Variants in KAZN observed in about 807,000 individuals in gnomAD.
KAZN encodes kazrin, periplakin interacting protein.
A neutral mutation model predicts 87.4 loss-of-function variants in KAZN; 40 were observed. The ratio of observed to expected loss-of-function variants is 0.46; its 90% CI spans 0.36 to 0.60. The LOEUF (loss-of-function observed/expected upper bound fraction) is 0.60, where lower values mean the gene tolerates loss of function less well. Ranked by LOEUF, KAZN falls within the 20% of genes least tolerant of loss-of-function variation. The pLI, the probability that KAZN is intolerant of heterozygous loss-of-function variation, is 0.00. For synonymous variants in KAZN, 466 were observed against 458.3 expected, an observed-to-expected ratio of 1.02 and a Z score of -0.22; for missense variants, 898 against 1,073.9, an observed-to-expected ratio of 0.84 and a Z score of 2.29.
chr1:15,001,858 C>T (rs1668511285), intron 2 of KAZN, among the ~76,000 whole-genome samples: 1 of 136,928 alleles, frequency 7.3e-6, no homozygotes, highest in Admixed American at 7.5e-5. Flanking sequence ...CTTGGCCCCA[C>T]AAAGTCAAAA....
intron 2 of KAZN, among the ~76,000 whole-genome samples, chr1:14,581,680 T>A (rs932567777): frequency 6.6e-6 from 1 of 152,202 alleles, no homozygotes; most frequent in East Asian, 1.9e-4. Context: ...TGGCCTCATC[T>A]GCTGCCCACA....
intron 1 of KAZN, among the ~76,000 whole-genome samples, chr1:13,942,280 C>A (rs1291745636): frequency 6.6e-6 from 1 of 151,844 alleles, no homozygotes; most frequent in Non-Finnish European, 1.5e-5. Context: ...GTGGCTCACG[C>A]CTGTAATCCC....
At chr1:14,668,354 C>G (rs1468219466) in intron 1 of KAZN, among the ~76,000 whole-genome samples, 6 of 152,100 alleles carry the variant, frequency 3.9e-5, no homozygotes, top group Admixed American at 1.3e-4. Context: ...GTCCTTTGTC[C>G]CAGCTTTCCA....
intron 14 of KAZN, 156 bp from the exon 15 acceptor site, chr1:15,114,315 T>C (rs1171220103): frequency 4.7e-6 from 3 of 641,938 alleles, no homozygotes; most frequent in African/African-American, 1.8e-5. Flanking sequence ...TCAACCTCCC[T>C]GAGCAGGGAG....
intron 1 of KAZN, among the ~76,000 whole-genome samples, chr1:14,770,729 G>C (rs1644997104): frequency 6.6e-6 from 1 of 152,160 alleles, no homozygotes; most frequent in Non-Finnish European, 1.5e-5. Context: ...CATACAAAAA[G>C]TGGTCAAAGT....
chr1:14,566,147 A>G (rs1238431641), intron 2 of KAZN, among the ~76,000 whole-genome samples: 1 of 152,214 alleles, frequency 6.6e-6, no homozygotes, highest in African/African-American at 2.4e-5. Flanking sequence ...TAATAATAAG[A>G]TTGAAAGTCT....
At chr1:13,918,174 T>G (rs546258076) in intron 1 of KAZN, among the ~76,000 whole-genome samples, 2 of 152,330 alleles carry the variant, frequency 1.3e-5, no homozygotes, top group Non-Finnish European at 2.9e-5. Context: ...CTGATGGATC[T>G]GGGCAAAGTC....
At chr1:14,995,285 T>G (rs1251588974) in intron 2 of KAZN, among the ~76,000 whole-genome samples, 2 of 152,210 alleles carry the variant, frequency 1.3e-5, no homozygotes, top group East Asian at 3.9e-4. Context: ...TGGCATCTGC[T>G]GCTCCACATC....
chr1:14,371,288 G>A (rs1660464859), intron 2 of KAZN, among the ~76,000 whole-genome samples: 1 of 152,134 alleles, frequency 6.6e-6, no homozygotes, highest in African/African-American at 2.4e-5. Flanking sequence ...CTTATGGGGG[G>A]CAAATGAAAA....
At chr1:14,216,599 A>G (rs548191734) in intron 2 of KAZN, among the ~76,000 whole-genome samples, 4 of 152,334 alleles carry the variant, frequency 2.6e-5, no homozygotes, top group East Asian at 1.9e-4. Flanking sequence ...ATACTGAACT[A>G]TATCCCGATT....
At chr1:14,474,158 C>A (rs947891959) in intron 2 of KAZN, among the ~76,000 whole-genome samples, 1 of 152,094 alleles carries the variant, frequency 6.6e-6, no homozygotes, top group Non-Finnish European at 1.5e-5. Context: ...GAGAAATAAC[C>A]ATTTATGAGT....
chr1:14,030,001 A>C (rs1048790726), intron 1 of KAZN, among the ~76,000 whole-genome samples: 1 of 152,088 alleles, frequency 6.6e-6, no homozygotes, highest in Admixed American at 6.5e-5. Context: ...GTTTTTTCCA[A>C]TTCTTTGAAG....
chr1:13,913,803 A>G (rs1056289444), intron 1 of KAZN, among the ~76,000 whole-genome samples: 2 of 152,224 alleles, frequency 1.3e-5, no homozygotes, highest in African/African-American at 4.8e-5. Context: ...GCCCCGCCCC[A>G]GAAATTCTGA....
intron 1 of KAZN, among the ~76,000 whole-genome samples, chr1:14,639,661 T>C (rs560797464): frequency 1.5e-3 from 223 of 152,264 alleles, no homozygotes; most frequent in African/African-American, 5.0e-3. Context: ...CAATTTTTTT[T>C]TTTACCATCT....
chr1:14,459,754 A>G (rs529481440), intron 2 of KAZN, among the ~76,000 whole-genome samples: 3 of 152,300 alleles, frequency 2.0e-5, no homozygotes, highest in Non-Finnish European at 2.9e-5. Flanking sequence ...GCCCTTGTCT[A>G]TTGCAAAAGA....
chr1:14,983,490 G>C (rs1042115982), intron 2 of KAZN, among the ~76,000 whole-genome samples: 1 of 152,184 alleles, frequency 6.6e-6, no homozygotes, highest in Admixed American at 6.5e-5. Context: ...ACCTGTGGTC[G>C]GTGGAAATGC....
intron 1 of KAZN, among the ~76,000 whole-genome samples, chr1:14,752,816 C>A (rs1333408494): frequency 2.0e-5 from 3 of 152,120 alleles, no homozygotes; most frequent in African/African-American, 7.2e-5. Context: ...AAAGCCCATC[C>A]TTTTTCCACC....
intron 1 of KAZN, among the ~76,000 whole-genome samples, chr1:14,648,758 G>A (rs917766715): frequency 1.3e-5 from 2 of 152,178 alleles, no homozygotes; most frequent in African/African-American, 4.8e-5. Flanking sequence ...TGTAAAAGTG[G>A]AAAAATAATA....
chr1:14,383,051 G>A (rs1661516111), intron 2 of KAZN, among the ~76,000 whole-genome samples: 1 of 151,196 alleles, frequency 6.6e-6, no homozygotes, highest in East Asian at 1.9e-4. Context: ...GTTTTGATTT[G>A]CATTTCTCTG....
Sources: allele counts gnomAD v4.1 joint callset (sites outside exome capture counted in the v4.1 genomes callset), GRCh38; gene constraint gnomAD v4.1.1; transcripts MANE v1.5; gene names NCBI Gene and HGNC (gene_info 2026-07-23, HGNC 2026-07-21).